The following RRP15 variants were observed in gnomAD, a reference collection of about 807,000 sequenced individuals.
The protein encoded by RRP15 is RRP15-like protein.
Under a neutral mutation model 27.1 loss-of-function variants are expected in RRP15, and 18 were observed. The observed-to-expected ratio is 0.66, with a 90% CI of 0.46 to 0.98. The LOEUF (loss-of-function observed/expected upper bound fraction) is 0.98. RRP15 is among the 50% of genes least tolerant of loss of function. The pLI is 0.00. For missense variants in RRP15, 359 were observed against 337.8 expected (o/e 1.06, Z -0.49); for synonymous variants, 107 against 109.4 (o/e 0.98, Z 0.14).
intron 1 of RRP15, 42 bp from the exon 2 acceptor site, chr1:218,302,252 G>T (rs768419609): frequency 9.1e-6 from 14 of 1,531,486 alleles, no homozygotes; most frequent in Non-Finnish European, 1.3e-5. Flanking sequence ...CCTCTGCCTA[G>T]GATATTAAAG....
intron 1 of RRP15, among the ~76,000 whole-genome samples, chr1:218,290,130 C>T (rs752368932): frequency 3.3e-5 from 5 of 152,046 alleles, no homozygotes; most frequent in Non-Finnish European, 7.4e-5. Flanking sequence ...TTTTAATCTC[C>T]AATCTGTAAT....
intron 1 of RRP15, among the ~76,000 whole-genome samples, chr1:218,287,750 A>T (rs978289147): frequency 3.3e-5 from 5 of 152,216 alleles, no homozygotes; most frequent in Non-Finnish European, 7.3e-5. Context: ...ATATTTTAAC[A>T]TATCTCTCTC....
At chr1:218,302,145 C>G in intron 1 of RRP15, 149 bp from the exon 2 acceptor site, 1 of 627,262 alleles carries the variant, frequency 1.6e-6, no homozygotes, top group Non-Finnish European at 2.8e-6. Flanking sequence ...TCCTATTGCT[C>G]TTCATCATTA....
chr1:218,321,355 C>A (rs1303513921), intron 4 of RRP15, among the ~76,000 whole-genome samples: 5 of 152,280 alleles, frequency 3.3e-5, no homozygotes, highest in Middle Eastern at 3.4e-3. Flanking sequence ...TGCTTTAAGT[C>A]TTTGAATCAG....
chr1:218,331,159 T>A lies in RRP15; in HGVS notation c.*68T>A. 1 of 1,454,116 alleles carries A rather than the reference T, an allele frequency of 6.9e-7. No individual in the cohort carries two copies. The highest frequency in any genetic ancestry group is 9.3e-7 in the Non-Finnish European group (1 of 1,073,712). The allele number at this position is 1,454,116 out of a possible 1,614,324, so 90.1% of individuals were successfully genotyped here. On this transcript the variant is annotated 3_prime_UTR_variant, in exon 5 of 5. Coordinates refer to ENST00000366932, the MANE Select transcript of RRP15 (RefSeq NM_016052.4). ...GAAAAATATGTCATCCTCTGATAGT[T>A]GGGGAATTATAAGGATACCATTTGT... is the stretch of plus-strand genomic sequence containing the variant.
chr1:218,287,906 G>C (rs1378122487), intron 1 of RRP15, among the ~76,000 whole-genome samples: 1 of 152,168 alleles, frequency 6.6e-6, no homozygotes. Context: ...AGGATGAATA[G>C]TTTTCCTGAC....
At chr1:218,318,010 C>T (rs530808955) in intron 4 of RRP15, among the ~76,000 whole-genome samples, 3 of 152,192 alleles carry the variant, frequency 2.0e-5, no homozygotes, top group African/African-American at 4.8e-5. Flanking sequence ...GCTGGGATTA[C>T]AGGCGTGAAC....
At chr1:218,298,812 A>C (rs79766755) in intron 1 of RRP15, among the ~76,000 whole-genome samples, 1,631 of 152,300 alleles carry the variant, frequency 0.011, 31 homozygotes, top group African/African-American at 0.037. Context: ...GCTAGTGGCT[A>C]CTGAGCAGCT....
intron 1 of RRP15, among the ~76,000 whole-genome samples, chr1:218,295,549 A>G (rs551053803): frequency 6.6e-6 from 1 of 152,374 alleles, no homozygotes; most frequent in Admixed American, 6.5e-5. Context: ...AATTCAGGTT[A>G]GAAGGTCCTA....
intron 1 of RRP15, among the ~76,000 whole-genome samples, chr1:218,290,292 A>G (rs1051765577): frequency 6.6e-6 from 1 of 152,220 alleles, no homozygotes; most frequent in Non-Finnish European, 1.5e-5. Context: ...AGTTACAGTA[A>G]TGTTCAGTAA....
chr1:218,310,823 A>G (rs186113062), intron 4 of RRP15, among the ~76,000 whole-genome samples: 51 of 152,004 alleles, frequency 3.4e-4, no homozygotes, highest in African/African-American at 1.1e-3. Flanking sequence ...ATCTCAGCTC[A>G]TTGCAACTTC....
chr1:218,318,129 T>TA (rs1480746368), intron 4 of RRP15, among the ~76,000 whole-genome samples: 1 of 152,154 alleles, frequency 6.6e-6, no homozygotes, highest in South Asian at 2.1e-4. Flanking sequence ...TGTTAACACT[T>TA]ACTGTGTTTG....
At chr1:218,291,281 AAAAT>A (rs1655635381) in intron 1 of RRP15, among the ~76,000 whole-genome samples, 1 of 151,870 alleles carries the variant, frequency 6.6e-6, no homozygotes, top group Non-Finnish European at 1.5e-5. Context: ...TACCAAAAAA[AAAAT>A]ATACAAAAAA....
At chr1:218,291,214 G>C (rs1655632565) in intron 1 of RRP15, among the ~76,000 whole-genome samples, 1 of 151,986 alleles carries the variant, frequency 6.6e-6, no homozygotes, top group African/African-American at 2.4e-5. Flanking sequence ...AAGGTGGGCA[G>C]ATCACTTAAA....
rs1306175051 is a variant in RRP15, at chr1:218,336,883, A to C, written c.*5792A>C. On this transcript the variant is annotated 3_prime_UTR_variant, in exon 5 of 5. Transcript: ENST00000366932. The stretch of plus-strand genomic sequence containing the variant: ...CTGCCGTATCTTGGTCCTTACTAGG[A>C]TTCCCAAATATACTCCTTAATAACC... The C allele has an allele frequency of 6.6e-6, 1 of 152,212 alleles. No individual in the cohort carries two copies. Among genetic ancestry groups the C allele is most frequent in the Non-Finnish European group, 1.5e-5 (1 of 68,038 alleles). The allele number at this position is 152,212 out of a possible 1,614,324, so 9.4% of individuals were successfully genotyped here. A position where few individuals can be genotyped will look rare whatever the true frequency, so the allele number is the denominator to read the frequency against.
intron 3 of RRP15, among the ~76,000 whole-genome samples, chr1:218,305,477 A>G (rs1655885401): frequency 6.6e-6 from 1 of 152,242 alleles, no homozygotes; most frequent in African/African-American, 2.4e-5. Context: ...ATAATACATT[A>G]CACATTATAG....
In RRP15 at chr1:218,302,666, A is replaced by C. The variant is rs970163633; in HGVS notation, c.405+107A>C. 1.5e-5 allele frequency: 22 copies of C among 1,497,368 alleles called. No homozygotes were observed. The African/African-American group carries it at 2.9e-4, about 20-fold the overall frequency. The allele number at this position is 1,497,368 out of a possible 1,614,324, so 92.8% of individuals were successfully genotyped here. A position where few individuals can be genotyped will look rare whatever the true frequency, so the allele number is the denominator to read the frequency against. The stretch of plus-strand genomic sequence containing the variant: ...TTGACCAATTAACGTTCCAGTTTTT[A>C]ACTTGTTTTTTATGTGAAGGTGGAT... On this transcript the variant is annotated intron_variant, in intron 2 of 4. Transcript: ENST00000366932.
intron 4 of RRP15, among the ~76,000 whole-genome samples, chr1:218,316,982 G>A (rs1267890450): frequency 6.6e-6 from 1 of 152,152 alleles, no homozygotes; most frequent in Non-Finnish European, 1.5e-5. Flanking sequence ...TATAAAACTA[G>A]ATTTGAAGGA....
At chr1:218,307,296 C>T (rs1388391051) in intron 3 of RRP15, 135 bp from the exon 4 acceptor site, 1 of 644,058 alleles carries the variant, frequency 1.6e-6, no homozygotes, top group Admixed American at 3.2e-5. Context: ...AACCACTTAT[C>T]CCGTTCTTTC....
Sources: gnomAD v4.1 joint callset for allele counts (sites outside exome capture counted in the v4.1 genomes callset) on GRCh38, gnomAD v4.1.1 for gene constraint, MANE v1.5 for transcripts, NCBI Gene and HGNC (gene_info 2026-07-23, HGNC 2026-07-21) for gene names.